Variants in SV2B observed in about 807,000 individuals in gnomAD.
SV2B encodes the protein solute carrier family 22 member B2.
Under a neutral mutation model 73.9 loss-of-function variants are expected in SV2B, and 41 were observed. The ratio of observed to expected loss-of-function variants is 0.56; its 90% CI spans 0.43 to 0.72. SV2B has a LOEUF of 0.72. Among genes scored for constraint, SV2B ranks in the 30% least tolerant of loss-of-function variants. SV2B has a pLI of 0.00. For synonymous variants in SV2B, 314 were observed against 314.2 expected (o/e 1.00, Z 0.01); for missense variants, 764 against 857.8 (o/e 0.89, Z 1.37).
rs2151749187 is a variant in SV2B at position 91,124,412 on chromosome 15, C to T, written c.-392+24049C>T. 6.6e-6 allele frequency among the ~76,000 whole-genome samples: 1 copy of T among 152,238 alleles called. No individual in the cohort carries two copies. Among genetic ancestry groups the T allele is most frequent in the South Asian group, 2.1e-4 (1 of 4,824 alleles). On this transcript the variant is annotated intron_variant, in intron 1 of 12. Transcript: ENST00000394232. This position sits in a 1 kb window ranked among gnomAD's most constrained non-coding sequence, Gnocchi z 4.6. ...GACACCTGCAACCGAGTGTGAGGTG[C>T]AGCAGCCAAGAGCCAGTGAGGAAGA...
Position 91,265,130 on chromosome 15 carries a change from C to A in SV2B, c.1009-1452C>A, listed in dbSNP as rs1025401578. 6.6e-6 allele frequency among the ~76,000 whole-genome samples: 1 copy of A among 152,190 alleles called. No homozygotes were observed. The highest frequency in any genetic ancestry group is 2.1e-4 in the South Asian group (1 of 4,834). ...GCTTGAAGGTGTTACCTGTTTTACT[C>A]CTGTGCGTGTCCCATCAGCAGACGT... On this transcript the variant is annotated intron_variant, in intron 6 of 12. Transcript: ENST00000394232. This position sits in a 1 kb window ranked among gnomAD's most constrained non-coding sequence, Gnocchi z 4.2.
rs765634124 is a variant in SV2B, at chr15:91,281,888, T to C, written c.1507+27T>C. 3 of 1,586,384 alleles carry C rather than the reference T, an allele frequency of 1.9e-6. No individual in the cohort carries two copies. Among genetic ancestry groups the C allele is most frequent in the Non-Finnish European group, 1.7e-6 (2 of 1,162,000 alleles). On this transcript the variant is annotated intron_variant, in intron 10 of 12. Coordinates refer to ENST00000394232, the MANE Select transcript of SV2B (RefSeq NM_001323032.3). This position sits in a 1 kb window ranked among gnomAD's most constrained non-coding sequence, Gnocchi z 4.7. ...TAGGTAAGAACATTGACAGATTGAA[T>C]AGAAAGTAACAGGAGACAACTTGTG...
In SV2B at chr15:91,301,984, A is replaced by T. The variant is rs1339288726; in HGVS notation, c.*9432A>T. On this transcript the variant is annotated 3_prime_UTR_variant, in exon 13 of 13. Coordinates refer to ENST00000394232, the MANE Select transcript of SV2B (RefSeq NM_001323032.3). This position sits in a 1 kb window ranked among gnomAD's most constrained non-coding sequence, Gnocchi z 4.3. ...GCATATAGTATGGTATAATCACCCC[A>T]CCAAACCTCTTCCAAAAGAAGCCAG... Among the ~76,000 whole-genome samples the T allele has an allele frequency of 2.0e-5, 3 of 152,182 alleles. No homozygotes were observed. The highest frequency in any genetic ancestry group is 4.4e-5 in the Non-Finnish European group (3 of 68,030).
In SV2B at chr15:91,290,028, C is replaced by T. The variant is rs1214063247; in HGVS notation, c.1868+348C>T. On this transcript the variant is annotated intron_variant, in intron 12 of 12. Coordinates refer to ENST00000394232, the MANE Select transcript of SV2B (RefSeq NM_001323032.3). The surrounding 1 kb of genome is among the most constrained non-coding windows in gnomAD (Gnocchi z 4.7). ...GGAGATAAGGCAAAAAAGTGAAGAG[C>T]TGGAATAGCACAGGGTGGGGGCAAG... is the stretch of plus-strand genomic sequence containing the variant. Among the ~76,000 whole-genome samples the T allele has an allele frequency of 5.3e-5, 8 of 152,028 alleles. No individual in the cohort carries two copies. The highest frequency in any genetic ancestry group is 1.2e-4 in the Non-Finnish European group (8 of 68,008).
Position 91,288,561 on chromosome 15 carries a change from C to T in SV2B, c.1709-960C>T, listed in dbSNP as rs2048937579. Among the ~76,000 whole-genome samples the T allele has an allele frequency of 6.6e-6, 1 of 152,096 alleles. No individual in the cohort carries two copies. Among genetic ancestry groups the T allele is most frequent in the South Asian group, 2.1e-4 (1 of 4,810 alleles). ...TGGACTGTATCTAGCATCCTGCCTT[C>T]CAGGTTCATCCATGTTGTCATAAAT... On this transcript the variant is annotated intron_variant, in intron 11 of 12. Transcript: ENST00000394232. The surrounding 1 kb of genome is among the most constrained non-coding windows in gnomAD (Gnocchi z 5.8).
intron 1 of SV2B, among the ~76,000 whole-genome samples, chr15:91,148,137 C>A (rs548839797): frequency 6.6e-6 from 1 of 151,646 alleles, no homozygotes; most frequent in Non-Finnish European, 1.5e-5. Context: ...TGTGCCACCA[C>A]GCCTGGCTAA....
At chr15:91,109,026 G>C (rs2041966102) in intron 1 of SV2B, among the ~76,000 whole-genome samples, 1 of 152,210 alleles carries the variant, frequency 6.6e-6, no homozygotes, top group Non-Finnish European at 1.5e-5. Context: ...TTTCACAAAA[G>C]GCAATTGAAA....
intron 1 of SV2B, among the ~76,000 whole-genome samples, chr15:91,108,040 C>T (rs772571800): frequency 2.0e-5 from 3 of 152,146 alleles, no homozygotes; most frequent in Non-Finnish European, 4.4e-5. Flanking sequence ...TGATAGTAAT[C>T]ATACCCCAGT....
At chr15:91,282,601 G>A (rs1380594916) in intron 10 of SV2B, among the ~76,000 whole-genome samples, 5 of 152,146 alleles carry the variant, frequency 3.3e-5, no homozygotes, top group Non-Finnish European at 7.3e-5. Context: ...CAAGACTTAA[G>A]CAACTTGCTC....
At position 91,292,396 on chromosome 15, in the gene SV2B, A is replaced by T; in HGVS notation, c.1896A>T (p.Gly632=). Residue 632 remains glycine, a synonymous_variant, in exon 13 of 13, where the codon GGA becomes GGT. Transcript: ENST00000394232. ...CAACAGCCTTCGGCATTCTCAATGG[A>T]TTATGCAAATTTGGCGCCATCCTGG... ...QRATAFGILN[G]LCKFGAILGN... 6.2e-7 allele frequency: 1 copy of T among 1,614,126 alleles called. No individual in the cohort carries two copies. Among genetic ancestry groups the T allele is most frequent in the Non-Finnish European group, 8.5e-7 (1 of 1,180,018 alleles).
Position 91,106,156 on chromosome 15 carries a change from T to A in SV2B, c.-392+5793T>A, listed in dbSNP as rs1567255157. On this transcript the variant is annotated intron_variant, in intron 1 of 12. Transcript: ENST00000394232. This position sits in a 1 kb window ranked among gnomAD's most constrained non-coding sequence, Gnocchi z 4.4. The stretch of plus-strand genomic sequence containing the variant: ...AGAGTATGAGAAAAAGATGACATAA[T>A]GAATTTTGACCTAAGCAGCTGGATG... 6.6e-6 allele frequency among the ~76,000 whole-genome samples: 1 copy of A among 152,148 alleles called. No individual in the cohort carries two copies. Among genetic ancestry groups the A allele is most frequent in the Admixed American group, 6.5e-5 (1 of 15,282 alleles).
chr15:91,256,656 A>T (rs191995812), intron 4 of SV2B, among the ~76,000 whole-genome samples: 1 of 152,320 alleles, frequency 6.6e-6, no homozygotes, highest in East Asian at 1.9e-4. Flanking sequence ...CCTCAGTGAG[A>T]TGATAAGAGA....
rs2042546929 is a variant in SV2B, at chr15:91,128,389, A to G, written c.-392+28026A>G. ...GTCAGAAAAAGTGAATGGACCAGGT[A>G]CTTACCCAGGGTCTGATTCCACCCC... On this transcript the variant is annotated intron_variant, in intron 1 of 12. Transcript: ENST00000394232. The surrounding 1 kb of genome is among the most constrained non-coding windows in gnomAD (Gnocchi z 4.2). 6.6e-6 allele frequency among the ~76,000 whole-genome samples: 1 copy of G among 152,218 alleles called. No individual in the cohort carries two copies. The highest frequency in any genetic ancestry group is 6.5e-5 in the Admixed American group (1 of 15,282).
rs144849786 is a variant in SV2B, at chr15:91,209,783, G to A, written c.-391-16090G>A. Among the ~76,000 whole-genome samples the A allele has an allele frequency of 6.1e-3, 930 of 152,270 alleles. 9 individuals are homozygous for A. The highest frequency in any genetic ancestry group is 0.02 in the African/African-American group (829 of 41,540). On this transcript the variant is annotated intron_variant, in intron 1 of 12. Transcript: ENST00000394232. ...GTCTTTGAAAGAATTAAATGAGATC[G>A]TGAGTGAGAAGCTCCTGACATAAAC...
chr15:91,231,663 T>C lies in SV2B; in HGVS notation c.451+4949T>C, dbSNP rs1439865281. ...GCAAATAAGCACCTCAACCTGGAACTGTGGGCTATTCCCTACCTTCATGCC... is the reference window on the plus strand; with the variant it reads ...GCAAATAAGCACCTCAACCTGGAACCGTGGGCTATTCCCTACCTTCATGCC... On this transcript the variant is annotated intron_variant, in intron 2 of 12. Transcript: ENST00000394232. This position sits in a 1 kb window ranked among gnomAD's most constrained non-coding sequence, Gnocchi z 4.5. 3.3e-5 allele frequency among the ~76,000 whole-genome samples: 5 copies of C among 152,210 alleles called. No individual in the cohort carries two copies. Among genetic ancestry groups the C allele is most frequent in the Non-Finnish European group, 7.3e-5 (5 of 68,032 alleles).
rs537918580 is a variant in SV2B at position 91,121,777 on chromosome 15, GTT to G, written c.-392+21428_-392+21429del. On this transcript the variant is annotated intron_variant, in intron 1 of 12. Transcript: ENST00000394232. The surrounding 1 kb of genome is among the most constrained non-coding windows in gnomAD (Gnocchi z 4.4). ...AACCATCTATTTATATATTAATAGT[GTT>G]TTTTTTTTTTTTTGAGATGGAGTCT... 4.2e-4 allele frequency among the ~76,000 whole-genome samples: 58 copies of G among 139,228 alleles called. 1 individual carries two copies. The highest frequency in any genetic ancestry group is 3.6e-4 in the Non-Finnish European group (23 of 64,202). The allele number at this position is 139,228 out of a possible 152,430, so 91.3% of individuals were successfully genotyped here.
At chr15:91,173,524 C>T (rs1195480659) in intron 1 of SV2B, among the ~76,000 whole-genome samples, 1 of 152,198 alleles carries the variant, frequency 6.6e-6, no homozygotes, top group Non-Finnish European at 1.5e-5. Flanking sequence ...TACTACTTCC[C>T]TCAGTAGAGT....
At chr15:91,117,078 T>C (rs940751266) in intron 1 of SV2B, among the ~76,000 whole-genome samples, 3 of 152,174 alleles carry the variant, frequency 2.0e-5, no homozygotes, top group African/African-American at 7.2e-5. Flanking sequence ...ATATCAATAG[T>C]CACAATGGTT....
intron 1 of SV2B, among the ~76,000 whole-genome samples, chr15:91,144,896 G>GTTT (rs57977211): frequency 7.0e-6 from 1 of 143,054 alleles, no homozygotes; most frequent in Non-Finnish European, 1.5e-5. Flanking sequence ...GAAGAGAACT[G>GTTT]TTTTTTTTTT....
Sources: gnomAD v4.1 joint callset for allele counts (sites outside exome capture counted in the v4.1 genomes callset) on GRCh38, gnomAD v4.1.1 for gene constraint, Gnocchi (gnomAD v3.1) non-coding constraint, MANE v1.5 for transcripts, NCBI Gene and HGNC (gene_info 2026-07-23, HGNC 2026-07-21) for gene names.